Variants in PTPRT observed in about 807,000 individuals in gnomAD.
PTPRT encodes the protein protein tyrosine phosphatase receptor type T.
A neutral mutation model predicts 176.8 loss-of-function variants in PTPRT; 56 were observed. That is an observed-to-expected ratio of 0.32 (90% CI 0.26 to 0.40). PTPRT has a LOEUF of 0.40. Among genes scored for constraint, PTPRT ranks in the 10% least tolerant of loss-of-function variants. PTPRT has a pLI of 1.00. For missense variants in PTPRT, 1,540 were observed against 1,908.2 expected, an observed-to-expected ratio of 0.81 and a Z score of 3.60; for synonymous variants, 783 against 739.0, an observed-to-expected ratio of 1.06 and a Z score of -0.96.
At chr20:42,085,599 T>C (rs888255012) in intron 28 of PTPRT, 129 bp downstream of exon 28, 16 of 1,390,004 alleles carry the variant, frequency 1.2e-5, no homozygotes, top group Non-Finnish European at 1.1e-5. Flanking sequence ...AGGCATCACT[T>C]CCTCAAGGAA....
chr20:42,801,264 T>C (rs1169920046), intron 2 of PTPRT, among the ~76,000 whole-genome samples: 1 of 152,112 alleles, frequency 6.6e-6, no homozygotes, highest in African/African-American at 2.4e-5. Flanking sequence ...CTAACGCGGA[T>C]ACCAGGTGGA....
At chr20:42,594,542 C>T (rs2073636817) in intron 7 of PTPRT, among the ~76,000 whole-genome samples, 1 of 152,190 alleles carries the variant, frequency 6.6e-6, no homozygotes. Flanking sequence ...TTCTTAACAT[C>T]TGTATATAAT....
At chr20:42,588,392 T>C (rs1279361388) in intron 7 of PTPRT, among the ~76,000 whole-genome samples, 1 of 152,096 alleles carries the variant, frequency 6.6e-6, no homozygotes, top group Non-Finnish European at 1.5e-5. Context: ...TGCAGTCAGC[T>C]GAGACTGTTT....
At chr20:42,152,007 T>C (rs2146461788) in intron 17 of PTPRT, among the ~76,000 whole-genome samples, 1 of 152,338 alleles carries the variant, frequency 6.6e-6, no homozygotes, top group Non-Finnish European at 1.5e-5. Context: ...CATTTACTGA[T>C]GTCGATGGTC....
At chr20:42,892,148 C>T (rs760449116) in intron 1 of PTPRT, among the ~76,000 whole-genome samples, 5 of 152,142 alleles carry the variant, frequency 3.3e-5, no homozygotes, top group East Asian at 1.9e-4. Context: ...ACTTACCCAG[C>T]GAGGGAAAAA....
the PTPRT span, among the ~76,000 whole-genome samples, chr20:42,059,975 C>T: frequency 6.6e-6 from 1 of 152,134 alleles, no homozygotes; most frequent in African/African-American, 2.4e-5. Flanking sequence ...CCCTTCTTGT[C>T]TCCTTAATTC....
chr20:42,390,409 C>T (rs1203376827), intron 9 of PTPRT, among the ~76,000 whole-genome samples: 1 of 152,174 alleles, frequency 6.6e-6, no homozygotes, highest in South Asian at 2.1e-4. Flanking sequence ...ACAGTACTAA[C>T]ATTAACCAAA....
chr20:42,773,493 G>A (rs566964007), intron 4 of PTPRT, among the ~76,000 whole-genome samples: 2 of 152,232 alleles, frequency 1.3e-5, no homozygotes, highest in East Asian at 3.9e-4. Flanking sequence ...TTAAACTAAT[G>A]ACAGCAGCTC....
At position 42,808,013 on chromosome 20, in the gene PTPRT, G is replaced by C. The variant is rs533366773; in HGVS notation, c.215-16547C>G. Among the ~76,000 whole-genome samples the C allele has an allele frequency of 3.2e-4, 48 of 152,318 alleles. No individual in the cohort carries two copies. In the South Asian group the frequency reaches 9.5e-3, roughly 30 times the overall value. On this transcript the variant is annotated intron_variant, in intron 2 of 30. Coordinates refer to ENST00000373187, the MANE Select transcript of PTPRT (RefSeq NM_007050.6). ...AGTAGCCCCTCCAGGGACTGTGTCA[G>C]CTGCAGAGTGTACTCCCAAGGTCTG...
At chr20:42,208,285 C>T (rs1474261243) in intron 15 of PTPRT, among the ~76,000 whole-genome samples, 3 of 145,032 alleles carry the variant, frequency 2.1e-5, no homozygotes, top group African/African-American at 7.9e-5. Context: ...CAAATTCACA[C>T]ATAACAATAT....
At chr20:42,886,255 C>A (rs1216712413) in intron 1 of PTPRT, among the ~76,000 whole-genome samples, 7 of 152,154 alleles carry the variant, frequency 4.6e-5, no homozygotes, top group Non-Finnish European at 7.3e-5. Context: ...GGGCATGCCT[C>A]TGTAATTGCT....
chr20:42,102,002 A>G, intron 26 of PTPRT, 122 bp downstream of exon 26: 3 of 1,181,042 alleles, frequency 2.5e-6, no homozygotes, highest in Non-Finnish European at 3.6e-6. Context: ...TGGGACTAGT[A>G]GATCAGAAGC....
intron 9 of PTPRT, among the ~76,000 whole-genome samples, chr20:42,402,283 T>A (rs915127010): frequency 2.0e-5 from 3 of 152,166 alleles, no homozygotes; most frequent in African/African-American, 7.2e-5. Flanking sequence ...ATTGTCCTCT[T>A]GATTAAGCCA....
At chr20:42,350,221 T>G (rs372437276) in intron 11 of PTPRT, among the ~76,000 whole-genome samples, 6 of 44,016 alleles carry the variant, frequency 1.4e-4, no homozygotes, top group Admixed American at 5.6e-4. Context: ...CTTGTTTTTT[T>G]TTTTTTTTTT....
intron 7 of PTPRT, among the ~76,000 whole-genome samples, chr20:42,639,285 A>T (rs2074682242): frequency 6.6e-6 from 1 of 152,100 alleles, no homozygotes; most frequent in Admixed American, 6.6e-5. Flanking sequence ...ACTTGCTTTA[A>T]TTGTAACTTT....
In PTPRT at chr20:42,865,281, C is replaced by T. The variant is rs2078727596; in HGVS notation, c.214+20526G>A. Among the ~76,000 whole-genome samples the T allele has an allele frequency of 2.0e-5, 3 of 152,212 alleles. No individual in the cohort carries two copies. The South Asian group carries it at 6.2e-4, about 32-fold the overall frequency. ...AGAGACTAAGCAACTTGCTTCAGGCCACACAGCAGGTCAGCAGCACAGCAG... is the reference window on the plus strand; with the variant it reads ...AGAGACTAAGCAACTTGCTTCAGGCTACACAGCAGGTCAGCAGCACAGCAG... On this transcript the variant is annotated intron_variant, in intron 2 of 30. Transcript: ENST00000373187.
chr20:42,814,941 G>A (rs1420301020), intron 2 of PTPRT, among the ~76,000 whole-genome samples: 1 of 152,070 alleles, frequency 6.6e-6, no homozygotes, highest in African/African-American at 2.4e-5. Context: ...AGAGAAAAGA[G>A]ATAGAACAAG....
chr20:42,471,390 T>C (rs1242134869), intron 8 of PTPRT, among the ~76,000 whole-genome samples: 2 of 152,152 alleles, frequency 1.3e-5, no homozygotes, highest in South Asian at 2.1e-4. Context: ...GGGTTGGTGC[T>C]GTCTTCGCGA....
At chr20:42,593,637 T>C (rs938917781) in intron 7 of PTPRT, among the ~76,000 whole-genome samples, 1 of 152,158 alleles carries the variant, frequency 6.6e-6, no homozygotes, top group Non-Finnish European at 1.5e-5. Context: ...TTGCTTGGAA[T>C]CACATTAAGA....
Sources: gnomAD v4.1 joint callset for allele counts (sites outside exome capture counted in the v4.1 genomes callset) on GRCh38, gnomAD v4.1.1 for gene constraint, MANE v1.5 for transcripts, NCBI Gene and HGNC (gene_info 2026-07-23, HGNC 2026-07-21) for gene names.